Variants in DYNLT1 observed in about 807,000 individuals in gnomAD.
DYNLT1 encodes dynein light chain Tctex-type 1.
DYNLT1 carries 18 observed loss-of-function variants against 19.6 expected under a neutral mutation model. The observed-to-expected ratio is 0.92, with a 90% CI of 0.64 to 1.36. DYNLT1 has a LOEUF of 1.36. Ranked by LOEUF, DYNLT1 falls within the 40% of genes most tolerant of loss-of-function variation. The pLI is 0.00. For missense variants in DYNLT1, 137 were observed against 139.3 expected (o/e 0.98, Z 0.08); for synonymous variants, 56 against 44.0 (o/e 1.27, Z -1.07).
intron 2 of DYNLT1, among the ~76,000 whole-genome samples, chr6:158,639,649 C>G (rs955133678): frequency 6.6e-6 from 1 of 152,128 alleles, no homozygotes; most frequent in Admixed American, 6.5e-5. Flanking sequence ...GCAATGTCAC[C>G]TCATGTTTCC....
intron 2 of DYNLT1, 134 bp from the exon 3 acceptor site, chr6:158,638,028 A>G: frequency 7.6e-7 from 1 of 1,307,716 alleles, no homozygotes; most frequent in East Asian, 2.4e-5. Flanking sequence ...CTTTGCAAAT[A>G]TACTTTTAAT....
chr6:158,642,800 C>T (rs1787165337), intron 1 of DYNLT1: 1 of 152,152 alleles, frequency 6.6e-6, no homozygotes, highest in African/African-American at 2.4e-5. Context: ...GGTTGAGGGA[C>T]ATTTTAAAGA....
At position 158,636,565 on chromosome 6, in the gene DYNLT1, T is replaced by C. The variant is rs1003067723; in HGVS notation, c.*262A>G. ...TCAGAGAGTAGAGCAAGTTTCACAC[T>C]AGCAGATTTCAGATTTTAGCACCTT... is the stretch of plus-strand genomic sequence containing the variant. On this transcript the variant is annotated 3_prime_UTR_variant, in exon 5 of 5. Transcript: ENST00000367089. 2 of 427,978 alleles carry C rather than the reference T, an allele frequency of 4.7e-6. No homozygotes were observed. Among genetic ancestry groups the C allele is most frequent in the African/African-American group, 4.0e-5 (2 of 50,596 alleles). 26.5% of individuals were successfully genotyped at this position (427,978 alleles called of 1,614,324 possible).
In DYNLT1 at chr6:158,637,131, C is replaced by T; in HGVS notation, c.268G>A (p.Asp90Asn). ...CAAACATGAATGAAAATCATACCGT[C>T]AGTAGAGCTGTCCCAGAAGCAGGAA... ...ASSCFWDSST[D>N]GSCTVRWENK... The change falls in exon 4 of 5, where the codon GAC becomes AAC. Residue 90 changes from aspartate to asparagine, a missense_variant. Coordinates refer to ENST00000367089, the MANE Select transcript of DYNLT1 (RefSeq NM_006519.4). 1 of 1,614,226 alleles carries T rather than the reference C, an allele frequency of 6.2e-7. No individual in the cohort carries two copies. The highest frequency in any genetic ancestry group is 8.5e-7 in the Non-Finnish European group (1 of 1,180,028).
intron 4 of DYNLT1, 74 bp from the exon 5 acceptor site, chr6:158,636,971 CA>C (rs1787016551): frequency 6.4e-7 from 1 of 1,559,304 alleles, no homozygotes; most frequent in African/African-American, 1.4e-5. Flanking sequence ...ATAAGGCCAA[CA>C]TTCAAGTACC....
At chr6:158,638,695 C>G (rs1000160813) in intron 2 of DYNLT1, among the ~76,000 whole-genome samples, 1 of 152,166 alleles carries the variant, frequency 6.6e-6, no homozygotes, top group Non-Finnish European at 1.5e-5. Context: ...TCAAGTGATC[C>G]TCCTGCCTCA....
intron 3 of DYNLT1, 83 bp downstream of exon 3, chr6:158,637,688 G>A (rs1217078699): frequency 6.2e-7 from 1 of 1,608,888 alleles, no homozygotes; most frequent in South Asian, 1.1e-5. Context: ...AGCCACGTTA[G>A]CTGTTGTTTC....
intron 1 of DYNLT1, chr6:158,642,343 TAGTC>T (rs1482612951): frequency 6.6e-6 from 1 of 152,262 alleles, no homozygotes; most frequent in Admixed American, 6.5e-5. Context: ...AAAATAACAT[TAGTC>T]AGGCACTTGC....
At chr6:158,637,297 T>A (rs1448406526) in intron 3 of DYNLT1, 92 bp from the exon 4 acceptor site, 8 of 1,139,002 alleles carry the variant, frequency 7.0e-6, no homozygotes, top group Non-Finnish European at 1.0e-5. Context: ...TGTATGTAGC[T>A]CCACGTGGTT....
chr6:158,644,513 C>A (rs1273905213), intron 1 of DYNLT1, among the ~76,000 whole-genome samples, 169 bp downstream of exon 1: 1 of 152,208 alleles, frequency 6.6e-6, no homozygotes, highest in Non-Finnish European at 1.5e-5. Context: ...AATGTCCGGG[C>A]AGAATGGGGC....
intron 1 of DYNLT1, chr6:158,642,739 T>C (rs967899074): frequency 1.3e-5 from 2 of 152,126 alleles, no homozygotes; most frequent in African/African-American, 4.8e-5. Flanking sequence ...GTGACCTTAA[T>C]CACAAAGGAA....
chr6:158,639,642 A>G (rs1029405992), intron 2 of DYNLT1, among the ~76,000 whole-genome samples: 3 of 152,180 alleles, frequency 2.0e-5, no homozygotes, highest in South Asian at 2.1e-4. Context: ...TAACACTGCA[A>G]TGTCACCTCA....
chr6:158,637,649 G>A (rs183770593), intron 3 of DYNLT1, 122 bp downstream of exon 3: 12 of 1,496,080 alleles, frequency 8.0e-6, no homozygotes, highest in East Asian at 2.3e-5. Flanking sequence ...ACACACGACC[G>A]ACTCCCACCA....
At chr6:158,639,901 G>T (rs967566212) in intron 2 of DYNLT1, among the ~76,000 whole-genome samples, 2 of 152,138 alleles carry the variant, frequency 1.3e-5, no homozygotes, top group Admixed American at 1.3e-4. Flanking sequence ...GGATGGTCTC[G>T]ATCTCTTGAC....
intron 3 of DYNLT1, chr6:158,637,470 G>T: frequency 1.6e-6 from 1 of 614,126 alleles, no homozygotes; most frequent in Non-Finnish European, 2.9e-6. Flanking sequence ...ATCCATCAAA[G>T]TTGAAAAATT....
At chr6:158,637,509 T>C in intron 3 of DYNLT1, 1 of 628,756 alleles carries the variant, frequency 1.6e-6, no homozygotes, top group Non-Finnish European at 2.8e-6. Flanking sequence ...AGCTGGGGGC[T>C]GTCCACACTT....
chr6:158,638,016 GC>G, intron 2 of DYNLT1, 122 bp from the exon 3 acceptor site: 1 of 1,459,122 alleles, frequency 6.9e-7, no homozygotes, highest in Middle Eastern at 2.2e-4. Context: ...TCATGAGGGT[GC>G]CTTTGCAAAT....
rs112519151 is a variant in DYNLT1 at position 158,639,930 on chromosome 6, C to T, written c.69+1389G>A. Among the ~76,000 whole-genome samples, 853 of 152,280 alleles carry T rather than the reference C, an allele frequency of 5.6e-3. 4 individuals carry two copies. The highest frequency in any genetic ancestry group is 7.6e-3 in the Non-Finnish European group (516 of 68,030). ...TCTTGACCTCATGATCCGCCCACCT[C>T]GGCCTCCCAATGTGCTGGGATGACA... On this transcript the variant is annotated intron_variant, in intron 2 of 4. Coordinates refer to ENST00000367089, the MANE Select transcript of DYNLT1 (RefSeq NM_006519.4).
chr6:158,636,800 G>A lies in DYNLT1; in HGVS notation c.*27C>T. On this transcript the variant is annotated 3_prime_UTR_variant, in exon 5 of 5. Transcript: ENST00000367089. ...TTAGAGGATGAACTAGAGACAAAAG[G>A]AGAAAGGCCATAGGCTGGACTGCAG... 1 of 1,600,190 alleles carries A rather than the reference G, an allele frequency of 6.2e-7. No individual in the cohort carries two copies.
Sources: allele counts gnomAD v4.1 joint callset (sites outside exome capture counted in the v4.1 genomes callset), GRCh38; gene constraint gnomAD v4.1.1; transcripts MANE v1.5; gene names NCBI Gene and HGNC (gene_info 2026-07-23, HGNC 2026-07-21).